Variants in RBFOX1 observed in about 807,000 individuals in gnomAD.
RBFOX1 encodes RNA binding protein fox-1 homolog 1.
Under a neutral mutation model 57.7 loss-of-function variants are expected in RBFOX1, and 8 were observed. The observed-to-expected ratio is 0.14, with a 90% confidence interval of 0.08 to 0.25. The LOEUF is 0.25. Among genes scored for constraint, RBFOX1 ranks in the 10% least tolerant of loss-of-function variants. The pLI is 1.00. For missense variants in RBFOX1, 611 were observed against 548.5 expected (o/e 1.11, Z -1.14); for synonymous variants, 326 against 222.4 (o/e 1.47, Z -4.15).
At chr16:6,652,453 GA>G (rs374255806) in intron 2 of RBFOX1, among the ~76,000 whole-genome samples, 21 of 145,672 alleles carry the variant, frequency 1.4e-4, no homozygotes, top group African/African-American at 3.3e-4. Flanking sequence ...TCTCAGGAAA[GA>G]AAAAAAAAAG....
chr16:7,653,528 C>T (rs754628992), intron 11 of RBFOX1, among the ~76,000 whole-genome samples: 1 of 152,162 alleles, frequency 6.6e-6, no homozygotes, highest in Non-Finnish European at 1.5e-5. Flanking sequence ...TAATTAAATA[C>T]TCATGCAGTG....
At chr16:6,629,321 G>A (rs983561406) in intron 2 of RBFOX1, among the ~76,000 whole-genome samples, 1 of 152,148 alleles carries the variant, frequency 6.6e-6, no homozygotes, top group Non-Finnish European at 1.5e-5. Flanking sequence ...CTGATGTAAC[G>A]TCCAAGATAA....
intron 2 of RBFOX1, among the ~76,000 whole-genome samples, chr16:6,643,254 T>C (rs1414717607): frequency 6.6e-6 from 1 of 152,232 alleles, no homozygotes; most frequent in Non-Finnish European, 1.5e-5. Flanking sequence ...TCGGTATTTT[T>C]TGCAAAGTTA....
At chr16:5,939,548 G>A (rs1312339966) in intron 4 of RBFOX1, among the ~76,000 whole-genome samples, 2 of 152,214 alleles carry the variant, frequency 1.3e-5, no homozygotes, top group Non-Finnish European at 2.9e-5. Flanking sequence ...GCCCTTCAGA[G>A]CCATGGATCC....
At chr16:6,134,386 C>A (rs1041121764) in intron 1 of RBFOX1, among the ~76,000 whole-genome samples, 10 of 152,142 alleles carry the variant, frequency 6.6e-5, no homozygotes, top group Non-Finnish European at 1.5e-4. Flanking sequence ...CCCCAAGAAC[C>A]GATTACAGGA....
intron 1 of RBFOX1, among the ~76,000 whole-genome samples, chr16:6,266,916 C>G (rs2074582100): frequency 6.6e-6 from 1 of 152,118 alleles, no homozygotes; most frequent in Non-Finnish European, 1.5e-5. Context: ...CTTCTGAATT[C>G]CATACTCTTA....
At chr16:6,490,368 T>G (rs2095604797) in intron 2 of RBFOX1, among the ~76,000 whole-genome samples, 1 of 152,176 alleles carries the variant, frequency 6.6e-6, no homozygotes, top group South Asian at 2.1e-4. Context: ...ATGGAACATT[T>G]TGTATTTTTC....
At chr16:6,120,954 C>G (rs7202799) in intron 1 of RBFOX1, among the ~76,000 whole-genome samples, 49,265 of 152,134 alleles carry the variant, frequency 0.32, 9,311 homozygotes, top group Non-Finnish European at 0.44. Context: ...GCTTGTTCTT[C>G]CTGCAGATTT....
At chr16:6,857,871 A>T (rs143687584) in intron 3 of RBFOX1, among the ~76,000 whole-genome samples, 1 of 152,184 alleles carries the variant, frequency 6.6e-6, no homozygotes, top group Non-Finnish European at 1.5e-5. Flanking sequence ...CCATTTAGCA[A>T]CCTGTCAAAT....
At chr16:5,264,415 A>G (rs983834940) in intron 1 of RBFOX1, among the ~76,000 whole-genome samples, 3 of 152,130 alleles carry the variant, frequency 2.0e-5, no homozygotes, top group African/African-American at 7.2e-5. Flanking sequence ...GTGGTCCCCA[A>G]ATGGTGTTCT....
rs568904702 is a variant in RBFOX1, at chr16:7,407,928, G to A, written c.28-110219G>A. On this transcript the variant is annotated intron_variant, in intron 4 of 15. Transcript: ENST00000550418. ...ATGCCCATTTGTTTACCAATCGTGGGTGGCTGCTTTTGGGCCGCAATGGCA... is the reference window on the plus strand; with the variant it reads ...ATGCCCATTTGTTTACCAATCGTGGATGGCTGCTTTTGGGCCGCAATGGCA... Among the ~76,000 whole-genome samples, 13 of 152,302 alleles carry A rather than the reference G, an allele frequency of 8.5e-5. No individual in the cohort carries two copies. The East Asian group carries it at 2.5e-3, about 29-fold the overall frequency.
chr16:6,615,608 A>G (rs1364075063), intron 2 of RBFOX1, among the ~76,000 whole-genome samples: 1 of 152,028 alleles, frequency 6.6e-6, no homozygotes, highest in Non-Finnish European at 1.5e-5. Context: ...AAATATGGCC[A>G]CAGGAAAATT....
chr16:7,111,551 A>C (rs954559582), intron 4 of RBFOX1, among the ~76,000 whole-genome samples: 1 of 152,248 alleles, frequency 6.6e-6, no homozygotes, highest in African/African-American at 2.4e-5. Flanking sequence ...TACTGATTAT[A>C]TCAGTTTTAT....
At chr16:6,652,526 A>T (rs1305835895) in intron 2 of RBFOX1, among the ~76,000 whole-genome samples, 2 of 152,086 alleles carry the variant, frequency 1.3e-5, no homozygotes, top group Non-Finnish European at 2.9e-5. Context: ...TATGTGAGGC[A>T]CCATGAGAAG....
At chr16:7,642,625 A>G (rs1423441316) in intron 11 of RBFOX1, among the ~76,000 whole-genome samples, 1 of 152,178 alleles carries the variant, frequency 6.6e-6, no homozygotes, top group African/African-American at 2.4e-5. Flanking sequence ...AACATGAATG[A>G]TTTAACAATT....
At chr16:6,863,600 T>G (rs2142789920) in intron 3 of RBFOX1, among the ~76,000 whole-genome samples, 1 of 150,904 alleles carries the variant, frequency 6.6e-6, no homozygotes, top group Middle Eastern at 3.4e-3. Context: ...GACGCCATTT[T>G]TATCTTCTTT....
intron 3 of RBFOX1, among the ~76,000 whole-genome samples, chr16:6,856,001 C>T (rs1196383509): frequency 6.6e-6 from 1 of 152,082 alleles, no homozygotes; most frequent in African/African-American, 2.4e-5. Context: ...ATTGATCCTC[C>T]ATCTTCCCTT....
intron 3 of RBFOX1, among the ~76,000 whole-genome samples, chr16:6,768,108 G>A (rs540613322): frequency 6.6e-6 from 1 of 151,292 alleles, no homozygotes; most frequent in Non-Finnish European, 1.5e-5. Context: ...GATAAAGGTG[G>A]ATTTGCTTGG....
At chr16:6,562,266 CAATT>C (rs2097188723) in intron 2 of RBFOX1, among the ~76,000 whole-genome samples, 1 of 152,200 alleles carries the variant, frequency 6.6e-6, no homozygotes, top group African/African-American at 2.4e-5. Flanking sequence ...CTTATCTGTA[CAATT>C]AGAGATTGCC....
Sources: gnomAD v4.1 joint callset for allele counts (sites outside exome capture counted in the v4.1 genomes callset) on GRCh38, gnomAD v4.1.1 for gene constraint, MANE v1.5 for transcripts, NCBI Gene and HGNC (gene_info 2026-07-23, HGNC 2026-07-21) for gene names.